ARIH1: variants seen among roughly 807,000 people sequenced by gnomAD.
ARIH1 encodes the protein E3 ubiquitin-protein ligase ARIH1.
Under a neutral mutation model 85.0 loss-of-function variants are expected in ARIH1, and 8 were observed. That is an observed-to-expected ratio of 0.09 (90% confidence interval 0.06 to 0.17). The LOEUF is 0.17. Ranked by LOEUF, ARIH1 falls within the 10% of genes least tolerant of loss-of-function variation. The pLI, the probability that ARIH1 is intolerant of heterozygous loss-of-function variation, is 1.00. For synonymous variants in ARIH1, 238 were observed against 253.6 expected (o/e 0.94, Z 0.59); for missense variants, 311 against 718.1 (o/e 0.43, Z 6.48).
chr15:72,492,674 C>T (rs534114793), intron 1 of ARIH1, among the ~76,000 whole-genome samples: 1 of 151,884 alleles, frequency 6.6e-6, no homozygotes, highest in Non-Finnish European at 1.5e-5. Context: ...TTTCATTGGC[C>T]CTAAAAATGT....
intron 2 of ARIH1, among the ~76,000 whole-genome samples, chr15:72,541,716 A>AT (rs912845962): frequency 2.0e-5 from 3 of 152,252 alleles, no homozygotes; most frequent in African/African-American, 7.2e-5. Context: ...ATTTGGGTAT[A>AT]TAGTGAACAG....
rs150916997 is a variant in ARIH1 at position 72,508,617 on chromosome 15, A to T, written c.376-9450A>T. ...AAATAATGTATATAAAGTATCTAGC[A>T]TTGTGCCCGGCACTAAATAATTTCA... is the stretch of plus-strand genomic sequence containing the variant. On this transcript the variant is annotated intron_variant, in intron 1 of 13. Transcript: ENST00000379887. 7.9e-5 allele frequency among the ~76,000 whole-genome samples: 12 copies of T among 152,176 alleles called. No homozygotes were observed. In the East Asian group the frequency reaches 2.3e-3, roughly 29 times the overall value.
chr15:72,475,521 C>T (rs2063791350), intron 1 of ARIH1, among the ~76,000 whole-genome samples: 1 of 152,158 alleles, frequency 6.6e-6, no homozygotes, highest in Non-Finnish European at 1.5e-5. Flanking sequence ...TGGATCTTGG[C>T]AGTCTCAAGT....
chr15:72,539,580 A>C (rs998548375), intron 2 of ARIH1, among the ~76,000 whole-genome samples: 9 of 152,254 alleles, frequency 5.9e-5, no homozygotes, highest in African/African-American at 2.2e-4. Flanking sequence ...AGTAAGTAGC[A>C]ACTGGTAAAC....
At chr15:72,484,912 C>T (rs1013782511) in intron 1 of ARIH1, among the ~76,000 whole-genome samples, 5 of 151,922 alleles carry the variant, frequency 3.3e-5, no homozygotes, top group Admixed American at 6.6e-5. Context: ...GTATCTTTTT[C>T]GTATAATGAC....
chr15:72,583,980 AT>A lies in ARIH1; in HGVS notation c.*689del, dbSNP rs1040686713. 5.3e-5 allele frequency: 8 copies of A among 152,340 alleles called. No individual in the cohort carries two copies. The highest frequency in any genetic ancestry group is 3.9e-4 in the East Asian group (2 of 5,192). 9.4% of individuals were successfully genotyped at this position (152,340 alleles called of 1,614,324 possible). A position where few individuals can be genotyped will look rare whatever the true frequency, so the allele number is the denominator to read the frequency against. On this transcript the variant is annotated 3_prime_UTR_variant, in exon 14 of 14. Coordinates refer to ENST00000379887, the MANE Select transcript of ARIH1 (RefSeq NM_005744.5). Reference sequence around the variant, plus strand: ...TTGCATAATGTTTAATTACAAAAAAATATTTATTCTTTAAAAATCTTCAAGA... The same window carrying A: ...TTGCATAATGTTTAATTACAAAAAAAATTTATTCTTTAAAAATCTTCAAGA...
At chr15:72,482,187 G>A (rs1567335743) in intron 1 of ARIH1, among the ~76,000 whole-genome samples, 1 of 152,150 alleles carries the variant, frequency 6.6e-6, no homozygotes, top group Admixed American at 6.5e-5. Flanking sequence ...TTCTAGATTG[G>A]AGTTCTTGAT....
At chr15:72,511,687 C>T (rs551241873) in intron 1 of ARIH1, among the ~76,000 whole-genome samples, 1 of 152,308 alleles carries the variant, frequency 6.6e-6, no homozygotes, top group East Asian at 1.9e-4. Flanking sequence ...GGATTTTCTG[C>T]ATAGCCACAT....
In ARIH1 at chr15:72,593,745, T is replaced by C. The variant is rs2064351925; in HGVS notation, c.*10453T>C. 1 of 152,206 alleles carries C rather than the reference T, an allele frequency of 6.6e-6. No individual in the cohort carries two copies. Among genetic ancestry groups the C allele is most frequent in the Non-Finnish European group, 1.5e-5 (1 of 68,038 alleles). The allele number at this position is 152,206 out of a possible 1,614,324, so 9.4% of individuals were successfully genotyped here. ...GTAAGTCTTTAAATTAGTAAATCCT[T>C]CCTTTTTGTTATTTTTCAAGATCGC... On this transcript the variant is annotated 3_prime_UTR_variant, in exon 14 of 14. Coordinates refer to ENST00000379887, the MANE Select transcript of ARIH1 (RefSeq NM_005744.5).
intron 2 of ARIH1, among the ~76,000 whole-genome samples, chr15:72,539,012 AAT>A (rs1197987252): frequency 6.6e-6 from 1 of 152,200 alleles, no homozygotes; most frequent in Non-Finnish European, 1.5e-5. Flanking sequence ...TACTTTGATC[AAT>A]ATGATTTCCT....
rs11403578 is a variant in ARIH1, at chr15:72,566,706, A to ATT, written c.954+109_954+110dup. 2,735 of 752,694 alleles carry ATT rather than the reference A, an allele frequency of 3.6e-3. 1 individual carries two copies. Among genetic ancestry groups the ATT allele is most frequent in the Non-Finnish European group, 4.6e-3 (2,176 of 476,454 alleles). 46.6% of individuals were successfully genotyped at this position (752,694 alleles called of 1,614,324 possible). ...GATTTTGTTATCTATCTATTGATAG[A>ATT]TTTTTTTTTATCCTTTTAATTTCAG... On this transcript the variant is annotated intron_variant, in intron 8 of 13. Coordinates refer to ENST00000379887, the MANE Select transcript of ARIH1 (RefSeq NM_005744.5).
chr15:72,520,195 A>T (rs1000367729), intron 2 of ARIH1, among the ~76,000 whole-genome samples: 1 of 152,224 alleles, frequency 6.6e-6, no homozygotes, highest in Non-Finnish European at 1.5e-5. Context: ...TGAACGTTTC[A>T]GTTTCTCCTT....
chr15:72,483,073 G>C (rs2063822998), intron 1 of ARIH1, among the ~76,000 whole-genome samples: 1 of 152,006 alleles, frequency 6.6e-6, no homozygotes. Context: ...TGTTGCCTAG[G>C]CTGCTCTTGA....
intron 7 of ARIH1, among the ~76,000 whole-genome samples, chr15:72,564,053 T>C (rs1177452448): frequency 6.6e-6 from 1 of 152,198 alleles, no homozygotes; most frequent in African/African-American, 2.4e-5. Context: ...TTCAGGCTCC[T>C]TTATAGGTGT....
chr15:72,597,715 CTA>C lies in ARIH1; in HGVS notation c.*14424_*14425del, dbSNP rs2064368477. On this transcript the variant is annotated 3_prime_UTR_variant, in exon 14 of 14. Coordinates refer to ENST00000379887, the MANE Select transcript of ARIH1 (RefSeq NM_005744.5). ...ACACCTTCCTGTACCTGGTTATCAT[CTA>C]AGGGGTAAGATTGGTGGGAAGCCTT... is the stretch of plus-strand genomic sequence containing the variant. 2.0e-5 allele frequency: 3 copies of C among 152,272 alleles called. No individual in the cohort carries two copies. In the East Asian group the frequency reaches 5.8e-4, roughly 29 times the overall value. 9.4% of individuals were successfully genotyped at this position (152,272 alleles called of 1,614,324 possible).
At chr15:72,524,340 G>A (rs1037018373) in intron 2 of ARIH1, among the ~76,000 whole-genome samples, 12 of 149,992 alleles carry the variant, frequency 8.0e-5, no homozygotes, top group South Asian at 2.1e-4. Context: ...TCTGCCTCCC[G>A]GTTCAAGCGA....
rs779941796 is a variant in ARIH1, at chr15:72,506,069, G to T, written c.376-11998G>T. 1.1e-4 allele frequency among the ~76,000 whole-genome samples: 3 copies of T among 26,126 alleles called. No individual in the cohort carries two copies. In the Non-Finnish European group the frequency reaches 6.4e-3, roughly 56 times the overall value. The allele number at this position is 26,126 out of a possible 152,430, so 17.1% of individuals were successfully genotyped here. A position where few individuals can be genotyped will look rare whatever the true frequency, so the allele number is the denominator to read the frequency against. On this transcript the variant is annotated intron_variant, in intron 1 of 13. Coordinates refer to ENST00000379887, the MANE Select transcript of ARIH1 (RefSeq NM_005744.5). ...GCTTTTAAAAACTTAGTCATTGTGG[G>T]CCAGGCGCGTGGCTCACGCCTATAA...
intron 11 of ARIH1, among the ~76,000 whole-genome samples, chr15:72,575,602 T>C (rs2064267441): frequency 7.2e-6 from 1 of 139,190 alleles, no homozygotes; most frequent in African/African-American, 2.7e-5. Context: ...ATGGTATGGG[T>C]GTTCTTTTTT....
chr15:72,557,738 AG>A (rs2064180655), intron 5 of ARIH1, among the ~76,000 whole-genome samples: 1 of 152,220 alleles, frequency 6.6e-6, no homozygotes, highest in African/African-American at 2.4e-5. Context: ...TGAAAGATAT[AG>A]GGGTCAAGTT....
Sources: allele counts gnomAD v4.1 joint callset (sites outside exome capture counted in the v4.1 genomes callset), GRCh38; gene constraint gnomAD v4.1.1; transcripts MANE v1.5; gene names NCBI Gene and HGNC (gene_info 2026-07-23, HGNC 2026-07-21).